Variants in SYNPO2 observed in about 807,000 individuals in gnomAD.
The protein encoded by SYNPO2 is synaptopodin 2.
Under a neutral mutation model 85.0 loss-of-function variants are expected in SYNPO2, and 56 were observed. That is an observed-to-expected ratio of 0.66 (90% CI 0.53 to 0.82). The LOEUF (loss-of-function observed/expected upper bound fraction) is 0.82. Ranked by LOEUF, SYNPO2 falls within the 40% of genes least tolerant of loss-of-function variation. The pLI is 0.00. For missense variants in SYNPO2, 1,575 were observed against 1,534.2 expected (o/e 1.03, Z -0.44); for synonymous variants, 602 against 591.1 (o/e 1.02, Z -0.27).
At position 118,917,010 on chromosome 4, in the gene SYNPO2, C is replaced by T. The variant is rs1167741407; in HGVS notation, c.105+27869C>T. Among the ~76,000 whole-genome samples, 4 of 152,154 alleles carry T rather than the reference C, an allele frequency of 2.6e-5. No homozygotes were observed. The East Asian group carries it at 7.7e-4, about 29-fold the overall frequency. ...TCAGCCTCTCAAAGTGTTGGGATTACAGGCCTGAGCCACCGTGCCCCGCCC... is the reference window on the plus strand; with the variant it reads ...TCAGCCTCTCAAAGTGTTGGGATTATAGGCCTGAGCCACCGTGCCCCGCCC... On this transcript the variant is annotated intron_variant, in intron 1 of 4. Coordinates refer to ENST00000307142, the MANE Select transcript of SYNPO2 (RefSeq NM_133477.3).
intron 1 of SYNPO2, among the ~76,000 whole-genome samples, chr4:118,989,004 A>T (rs576358592): frequency 6.6e-6 from 1 of 152,342 alleles, no homozygotes; most frequent in African/African-American, 2.4e-5. Context: ...AAAACAACAA[A>T]AAAAGAACAA....
At chr4:118,858,461 G>A (rs935160927) in intron 1 of SYNPO2, among the ~76,000 whole-genome samples, 1 of 152,116 alleles carries the variant, frequency 6.6e-6, no homozygotes, top group African/African-American at 2.4e-5. Flanking sequence ...TATTTTGGTG[G>A]CAGATTTTAT....
chr4:118,976,801 C>T (rs936829828), intron 1 of SYNPO2, among the ~76,000 whole-genome samples: 1 of 151,842 alleles, frequency 6.6e-6, no homozygotes, highest in Non-Finnish European at 1.5e-5. Flanking sequence ...GGTGTATTTA[C>T]AATACTTGAG....
intron 1 of SYNPO2, among the ~76,000 whole-genome samples, chr4:118,948,268 G>A (rs1734572288): frequency 6.6e-6 from 1 of 152,062 alleles, no homozygotes; most frequent in Non-Finnish European, 1.5e-5. Context: ...CCAAGTACAG[G>A]GTAAAACTCA....
intron 1 of SYNPO2, among the ~76,000 whole-genome samples, chr4:118,949,109 G>T (rs1028325013): frequency 1.3e-5 from 2 of 152,124 alleles, no homozygotes; most frequent in Non-Finnish European, 2.9e-5. Flanking sequence ...TTGTCAATGG[G>T]AGTGATATGT....
At chr4:118,862,653 T>C (rs1731630242) in intron 1 of SYNPO2, among the ~76,000 whole-genome samples, 1 of 152,210 alleles carries the variant, frequency 6.6e-6, no homozygotes, top group African/African-American at 2.4e-5. Context: ...TGTTGAACCA[T>C]TCCTTGCATC....
At chr4:118,939,541 A>G (rs1355894503) in intron 1 of SYNPO2, among the ~76,000 whole-genome samples, 2 of 152,204 alleles carry the variant, frequency 1.3e-5, no homozygotes, top group Non-Finnish European at 2.9e-5. Flanking sequence ...TTTATACGTG[A>G]GAAAGGCAAG....
intron 1 of SYNPO2, among the ~76,000 whole-genome samples, chr4:118,966,527 C>T (rs530328308): frequency 6.6e-6 from 1 of 152,232 alleles, no homozygotes; most frequent in East Asian, 1.9e-4. Flanking sequence ...TAGGGTATGG[C>T]AGAAGGTTTG....
At chr4:119,025,218 G>A (rs1170610899) in intron 2 of SYNPO2, among the ~76,000 whole-genome samples, 1 of 152,136 alleles carries the variant, frequency 6.6e-6, no homozygotes, top group African/African-American at 2.4e-5. Context: ...CTTCACAATT[G>A]ATTGCTAACG....
rs1200059493 is a variant in SYNPO2, at chr4:119,060,052, A to G, written c.*2118A>G. The G allele has an allele frequency of 2.6e-5, 4 of 152,158 alleles. No individual in the cohort carries two copies. The highest frequency in any genetic ancestry group is 5.9e-5 in the Non-Finnish European group (4 of 68,002). 9.4% of individuals were successfully genotyped at this position (152,158 alleles called of 1,614,324 possible). Reference sequence around the variant, plus strand: ...ATTTGAATGTTTTAAGATAGGAGAGACTTAGCAGAAAATACTTGGCTTGCC... The same window carrying G: ...ATTTGAATGTTTTAAGATAGGAGAGGCTTAGCAGAAAATACTTGGCTTGCC... On this transcript the variant is annotated 3_prime_UTR_variant, in exon 5 of 5. Coordinates refer to ENST00000307142, the MANE Select transcript of SYNPO2 (RefSeq NM_133477.3).
chr4:118,926,823 T>G (rs1174748721), intron 1 of SYNPO2, among the ~76,000 whole-genome samples: 3 of 152,176 alleles, frequency 2.0e-5, no homozygotes, highest in African/African-American at 7.2e-5. Context: ...CAGGGTGCTG[T>G]TGTCCAGCTC....
At chr4:118,890,697 T>TTCTCTCTCTCTCTCTCTCTGTCTC (rs1732335465) in intron 1 of SYNPO2, among the ~76,000 whole-genome samples, 1 of 81,754 alleles carries the variant, frequency 1.2e-5, no homozygotes, top group African/African-American at 4.1e-5. Flanking sequence ...TCTCATCGGT[T>TTCTCTCTCTCTCTCTCTCTGTCTC]TCTCTCTCTC....
rs369367759 is a variant in SYNPO2, at chr4:119,030,948, G to A, written c.2173G>A (p.Ala725Thr). The change falls in exon 4 of 5, where the codon GCT (alanine) becomes ACT (threonine). Residue 725 changes from alanine to threonine, a missense_variant. Physicochemically the swap from Ala to Thr is moderately conservative, Grantham distance 58 (BLOSUM62 0). Coordinates refer to ENST00000307142, the MANE Select transcript of SYNPO2 (RefSeq NM_133477.3). ...TTCAGAAGGCAAACGGGGCACTGGA[G>A]CTGGAGGTGATTCCGGACCGGAAGA... is the stretch of plus-strand genomic sequence containing the variant. ...QNSEGKRGTG[A>T]GGDSGPEEDY... is the part of the protein sequence containing the mutation. 6.2e-7 allele frequency: 1 copy of A among 1,614,196 alleles called. No individual in the cohort carries two copies. The highest frequency in any genetic ancestry group is 1.1e-5 in the South Asian group (1 of 91,082).
At chr4:118,947,267 T>C (rs966272804) in intron 1 of SYNPO2, among the ~76,000 whole-genome samples, 1 of 152,156 alleles carries the variant, frequency 6.6e-6, no homozygotes, top group African/African-American at 2.4e-5. Flanking sequence ...ATTCGAACAA[T>C]AGGTTGTGAG....
intron 1 of SYNPO2, among the ~76,000 whole-genome samples, chr4:118,906,838 T>C (rs1732953498): frequency 6.6e-6 from 1 of 152,094 alleles, no homozygotes; most frequent in African/African-American, 2.4e-5. Context: ...TTTTTATTTT[T>C]CTTAGGAAAC....
At chr4:118,888,613 A>G (rs992780268), upstream of SYNPO2, among the ~76,000 whole-genome samples, 1 of 152,220 alleles carries the variant, frequency 6.6e-6, no homozygotes, top group African/African-American at 2.4e-5. Flanking sequence ...TATTAAATGT[A>G]AGTTTTTCAA....
At chr4:118,897,436 A>C (rs1250807966) in intron 1 of SYNPO2, among the ~76,000 whole-genome samples, 1 of 152,082 alleles carries the variant, frequency 6.6e-6, no homozygotes, top group Non-Finnish European at 1.5e-5. Flanking sequence ...CTCTTCCTTC[A>C]TCCTGTTTAA....
chr4:118,975,729 C>G (rs1477523277), intron 1 of SYNPO2, among the ~76,000 whole-genome samples: 1 of 152,194 alleles, frequency 6.6e-6, no homozygotes, highest in Admixed American at 6.5e-5. Flanking sequence ...AAAACTTGGA[C>G]TCTGGATCAG....
exon 1 of SYNPO2, chr4:118,850,820 G>C (rs1731409144): frequency 2.5e-6 from 1 of 398,612 alleles, no homozygotes; most frequent in Non-Finnish European, 4.4e-6. Flanking sequence ...GAGGGAGACT[G>C]TCATATAGAG....
Sources: allele counts gnomAD v4.1 joint callset (sites outside exome capture counted in the v4.1 genomes callset), GRCh38; gene constraint gnomAD v4.1.1; transcripts MANE v1.5; gene names NCBI Gene and HGNC (gene_info 2026-07-23, HGNC 2026-07-21).